FGF12: variants seen among roughly 807,000 people sequenced by gnomAD.
The protein encoded by FGF12 is fibroblast growth factor 12B.
A neutral mutation model predicts 23.6 loss-of-function variants in FGF12; 14 were observed. The ratio of observed to expected loss-of-function variants is 0.59; its 90% CI spans 0.39 to 0.93. FGF12 has a LOEUF of 0.93. Ranked by LOEUF, FGF12 falls within the 40% of genes least tolerant of loss-of-function variation. FGF12 has a pLI of 0.00. For missense variants in FGF12, 175 were observed against 217.8 expected (o/e 0.80, Z 1.24); for synonymous variants, 62 against 77.3 (o/e 0.80, Z 1.04).
At chr3:192,318,217 A>T (rs1013872514) in intron 4 of FGF12, among the ~76,000 whole-genome samples, 1 of 152,184 alleles carries the variant, frequency 6.6e-6, no homozygotes, top group Non-Finnish European at 1.5e-5. Context: ...AAGCATCAAG[A>T]CCATCCAGGA....
At chr3:192,571,942 GT>G (rs5855435) in intron 2 of FGF12, among the ~76,000 whole-genome samples, 89,698 of 143,866 alleles carry the variant, frequency 0.62, 27,928 homozygotes, top group African/African-American at 0.73. Context: ...CACTATTGCT[GT>G]TTTTTTTTTT....
intron 2 of FGF12, among the ~76,000 whole-genome samples, chr3:192,507,075 G>A (rs905712329): frequency 1.3e-5 from 2 of 151,830 alleles, no homozygotes; most frequent in Non-Finnish European, 2.9e-5. Context: ...TGTATTTTTA[G>A]TAGAGACGGG....
chr3:192,216,607 A>T (rs577904832), intron 4 of FGF12, among the ~76,000 whole-genome samples: 7 of 152,384 alleles, frequency 4.6e-5, no homozygotes, highest in African/African-American at 1.7e-4. Context: ...ATTTATAAAA[A>T]GAAAATTATT....
At chr3:192,417,482 ATAGACACTG>A (rs1156356036) in intron 2 of FGF12, among the ~76,000 whole-genome samples, 8 of 152,112 alleles carry the variant, frequency 5.3e-5, no homozygotes, top group Non-Finnish European at 2.9e-5. Flanking sequence ...GGAATATAAG[ATAGACACTG>A]TAAGCATGTG....
chr3:192,250,624 A>T (rs1480398291), intron 4 of FGF12, among the ~76,000 whole-genome samples: 1 of 152,144 alleles, frequency 6.6e-6, no homozygotes, highest in Non-Finnish European at 1.5e-5. Context: ...GCCAATAATG[A>T]TATATTTAGA....
At chr3:192,686,702 G>T (rs1027425096) in intron 2 of FGF12, among the ~76,000 whole-genome samples, 4 of 151,288 alleles carry the variant, frequency 2.6e-5, no homozygotes, top group African/African-American at 4.9e-5. Flanking sequence ...AGGGATGGAG[G>T]TATATGAGGG....
chr3:192,397,858 T>C lies in FGF12; in HGVS notation c.14-37320A>G, dbSNP rs186305059. ...CTGTTTCTTAATGATTTTTAATGCA[T>C]TATCTGATTCTAGGACACTGTGAAG... On this transcript the variant is annotated intron_variant, in intron 2 of 5. Coordinates refer to ENST00000445105, the MANE Select transcript of FGF12 (RefSeq NM_004113.6). 5.9e-5 allele frequency among the ~76,000 whole-genome samples: 9 copies of C among 152,330 alleles called. No individual in the cohort carries two copies. In the East Asian group the frequency reaches 1.2e-3, roughly 20 times the overall value.
At chr3:192,605,869 A>G (rs1714318159) in intron 2 of FGF12, among the ~76,000 whole-genome samples, 1 of 152,186 alleles carries the variant, frequency 6.6e-6, no homozygotes, top group Non-Finnish European at 1.5e-5. Context: ...TCAAAACACA[A>G]TAGATGTTGG....
intron 3 of FGF12, among the ~76,000 whole-genome samples, chr3:192,343,889 C>T (rs1490148652): frequency 6.6e-6 from 1 of 152,096 alleles, no homozygotes; most frequent in Non-Finnish European, 1.5e-5. Context: ...GAATTTAACC[C>T]TCTAAAACAG....
intron 2 of FGF12, among the ~76,000 whole-genome samples, chr3:192,605,632 C>T (rs4602336): frequency 0.42 from 64,085 of 151,864 alleles, 13,608 homozygotes; most frequent in Middle Eastern, 0.49. Flanking sequence ...TATGAGAAAG[C>T]TAAACAATTG....
chr3:192,499,516 AT>A (rs71177364), intron 2 of FGF12, among the ~76,000 whole-genome samples: 11 of 38,842 alleles, frequency 2.8e-4, no homozygotes, highest in Admixed American at 9.8e-4. Flanking sequence ...ATATATATAT[AT>A]TTTTTTTTTT....
chr3:192,553,356 T>C (rs970283706), intron 2 of FGF12, among the ~76,000 whole-genome samples: 58 of 152,092 alleles, frequency 3.8e-4, no homozygotes, highest in Non-Finnish European at 5.9e-5. Flanking sequence ...AGGGTATAAA[T>C]ATAATTATAA....
At chr3:192,579,693 C>T (rs1293169788) in intron 2 of FGF12, among the ~76,000 whole-genome samples, 1 of 152,156 alleles carries the variant, frequency 6.6e-6, no homozygotes, top group Admixed American at 6.5e-5. Flanking sequence ...CCTCAGCCTC[C>T]CGAGTAGCTG....
intron 2 of FGF12, among the ~76,000 whole-genome samples, chr3:192,388,210 G>C: frequency 6.6e-6 from 1 of 152,106 alleles, no homozygotes; most frequent in Non-Finnish European, 1.5e-5. Context: ...GAAGTGAGCT[G>C]CGATCGGACT....
chr3:192,261,982 T>C (rs1314071706), intron 4 of FGF12, among the ~76,000 whole-genome samples: 2 of 152,258 alleles, frequency 1.3e-5, no homozygotes, highest in African/African-American at 4.8e-5. Flanking sequence ...ACAACAGAGG[T>C]GCCCCCTTAG....
chr3:192,592,253 C>A (rs970971722), intron 2 of FGF12, among the ~76,000 whole-genome samples: 1 of 151,876 alleles, frequency 6.6e-6, no homozygotes, highest in Non-Finnish European at 1.5e-5. Context: ...TTGGGATAAA[C>A]CCTCCTTTTT....
At chr3:192,452,830 T>C (rs944915369) in intron 2 of FGF12, among the ~76,000 whole-genome samples, 6 of 152,242 alleles carry the variant, frequency 3.9e-5, no homozygotes, top group African/African-American at 1.4e-4. Flanking sequence ...CAGTCTTTTC[T>C]CTCTAGCTGC....
At position 192,660,979 on chromosome 3, in the gene FGF12, T is replaced by A. The variant is rs192941561; in HGVS notation, c.13+66202A>T. Among the ~76,000 whole-genome samples, 347 of 95,752 alleles carry A rather than the reference T, an allele frequency of 3.6e-3. 2 individuals are homozygous for A. The highest frequency in any genetic ancestry group is 0.013 in the African/African-American group (326 of 24,580). The allele number at this position is 95,752 out of a possible 152,430, so 62.8% of individuals were successfully genotyped here. On this transcript the variant is annotated intron_variant, in intron 2 of 5. Coordinates refer to ENST00000445105, the MANE Select transcript of FGF12 (RefSeq NM_004113.6). ...CTGAAAGTGCAGAAGAAAACCCTAG[T>A]TCTTTAAAAAAAAAATAATAATTTA...
chr3:192,501,707 T>C (rs1288911426), intron 2 of FGF12, among the ~76,000 whole-genome samples: 7 of 152,146 alleles, frequency 4.6e-5, no homozygotes, highest in African/African-American at 1.7e-4. Context: ...ACAAAAATAT[T>C]TGGGAGAATT....
Sources: gnomAD v4.1 joint callset for allele counts (sites outside exome capture counted in the v4.1 genomes callset) on GRCh38, gnomAD v4.1.1 for gene constraint, MANE v1.5 for transcripts, NCBI Gene and HGNC (gene_info 2026-07-23, HGNC 2026-07-21) for gene names.